The following CNGB1 variants were observed in gnomAD, a reference collection of about 807,000 sequenced individuals.
The protein encoded by CNGB1 is cyclic nucleotide gated channel subunit beta 1.
CNGB1 carries 126 observed loss-of-function variants against 151.7 expected under a neutral mutation model. The observed-to-expected ratio is 0.83, with a 90% CI of 0.72 to 0.96. The LOEUF (loss-of-function observed/expected upper bound fraction) is 0.96, where lower values mean the gene tolerates loss of function less well. CNGB1 is among the 40% of genes least tolerant of loss of function. CNGB1 has a pLI of 0.00. For missense variants in CNGB1, 1,698 were observed against 1,627.0 expected (o/e 1.04, Z -0.75); for synonymous variants, 623 against 635.1 (o/e 0.98, Z 0.29).
At chr16:57,908,397 C>A (rs1395424609) in intron 25 of CNGB1, among the ~76,000 whole-genome samples, 2 of 152,252 alleles carry the variant, frequency 1.3e-5, no homozygotes, top group Non-Finnish European at 2.9e-5. Context: ...GACAGCTGGA[C>A]CACGGGCATT....
intron 1 of CNGB1, among the ~76,000 whole-genome samples, chr16:57,967,944 C>T (rs964033372): frequency 2.0e-5 from 3 of 152,016 alleles, no homozygotes; most frequent in African/African-American, 7.3e-5. Context: ...TTGGAAAGTA[C>T]CTACATGTAA....
intron 24 of CNGB1, 122 bp downstream of exon 24, chr16:57,912,797 ATGTTGTGTGTG>A (rs1293406185): frequency 4.8e-5 from 41 of 851,134 alleles, no homozygotes; most frequent in South Asian, 8.6e-5. Flanking sequence ...GTATGTGTGT[ATGTTGTGTGTG>A]TGTTGTGTGT....
intron 12 of CNGB1, among the ~76,000 whole-genome samples, chr16:57,952,280 G>C (rs1171977821): frequency 6.6e-6 from 1 of 152,172 alleles, no homozygotes; most frequent in Non-Finnish European, 1.5e-5. Context: ...GGTGGAGGCA[G>C]AGCCAGGTCC....
intron 2 of CNGB1, among the ~76,000 whole-genome samples, chr16:57,966,193 T>C (rs985860881): frequency 2.6e-5 from 4 of 152,214 alleles, no homozygotes; most frequent in Non-Finnish European, 5.9e-5. Context: ...CACACTTATT[T>C]GGCTCCCCAA....
At chr16:57,953,845 C>A (rs1962021206) in intron 12 of CNGB1, among the ~76,000 whole-genome samples, 1 of 151,776 alleles carries the variant, frequency 6.6e-6, no homozygotes, top group South Asian at 2.1e-4. Flanking sequence ...CAGATTCTTC[C>A]ATAACCATTG....
intron 1 of CNGB1, among the ~76,000 whole-genome samples, chr16:57,967,748 A>G (rs2149390506): frequency 6.6e-6 from 1 of 152,188 alleles, no homozygotes; most frequent in East Asian, 1.9e-4. Context: ...ATACATATAC[A>G]CATACATATT....
At chr16:57,933,724 CTTTT>C (rs5817126) in intron 16 of CNGB1, among the ~76,000 whole-genome samples, 6 of 119,594 alleles carry the variant, frequency 5.0e-5, no homozygotes, top group Non-Finnish European at 7.3e-5. Flanking sequence ...CTTTTCTTTT[CTTTT>C]TTTTTTTTTT....
In CNGB1 at chr16:57,883,815, T is replaced by G; in HGVS notation, c.*349A>C. 2 of 393,820 alleles carry G rather than the reference T, an allele frequency of 5.1e-6. No homozygotes were observed. Among genetic ancestry groups the G allele is most frequent in the Non-Finnish European group, 9.4e-6 (2 of 213,776 alleles). The allele number at this position is 393,820 out of a possible 1,614,324, so 24.4% of individuals were successfully genotyped here. A position where few individuals can be genotyped will look rare whatever the true frequency, so the allele number is the denominator to read the frequency against. On this transcript the variant is annotated 3_prime_UTR_variant, in exon 33 of 33. Transcript: ENST00000251102. ...TTTACTTTTTCAGCAAAGCTTCCCA[T>G]GTATTGGAGCCTCATTTTATCCCTC...
chr16:57,892,309 C>T (rs1960113774), intron 31 of CNGB1, among the ~76,000 whole-genome samples: 1 of 152,064 alleles, frequency 6.6e-6, no homozygotes, highest in African/African-American at 2.4e-5. Context: ...ATATGGAGTC[C>T]ATGAATCACA....
intron 27 of CNGB1, among the ~76,000 whole-genome samples, chr16:57,903,320 C>T (rs1960441074): frequency 6.6e-6 from 1 of 151,138 alleles, no homozygotes; most frequent in Admixed American, 6.6e-5. Flanking sequence ...GGTGAAACCT[C>T]GTCTCTACTA....
At chr16:57,960,626 G>T (rs1962224347) in intron 8 of CNGB1, 96 bp from the exon 9 acceptor site, 1 of 1,520,358 alleles carries the variant, frequency 6.6e-7, no homozygotes, top group Admixed American at 1.9e-5. Context: ...CAAGGCGGGT[G>T]AGCCGGGGAT....
intron 12 of CNGB1, among the ~76,000 whole-genome samples, chr16:57,956,567 G>A (rs750822609): frequency 6.6e-6 from 1 of 152,172 alleles, no homozygotes; most frequent in African/African-American, 2.4e-5. Context: ...CAGACACAGG[G>A]CAGAGCTCAG....
intron 15 of CNGB1, 38 bp from the exon 16 acceptor site, chr16:57,939,630 C>T: frequency 3.1e-6 from 5 of 1,613,636 alleles, no homozygotes; most frequent in Non-Finnish European, 4.2e-6. Context: ...CTGTGACCAT[C>T]AGCCCCCAGC....
chr16:57,910,583 A>G (rs1256333394), intron 25 of CNGB1, among the ~76,000 whole-genome samples: 6 of 151,574 alleles, frequency 4.0e-5, no homozygotes, highest in African/African-American at 9.7e-5. Context: ...TGTGTCGGCC[A>G]GGCTGGTCTC....
At chr16:57,948,380 C>G (rs1961861215) in intron 14 of CNGB1, among the ~76,000 whole-genome samples, 1 of 150,176 alleles carries the variant, frequency 6.7e-6, no homozygotes, top group African/African-American at 2.5e-5. Flanking sequence ...GTCTCGAACT[C>G]CTGGGTTCAA....
chr16:57,967,911 A>G (rs1962442081), intron 1 of CNGB1, among the ~76,000 whole-genome samples: 1 of 152,176 alleles, frequency 6.6e-6, no homozygotes, highest in Non-Finnish European at 1.5e-5. Context: ...ACACCCAAAT[A>G]TTCATCAAGA....
chr16:57,921,617 G>A lies in CNGB1; in HGVS notation c.1644-1073C>T, dbSNP rs1961038472. On this transcript the variant is annotated intron_variant, in intron 18 of 32. Coordinates refer to ENST00000251102, the MANE Select transcript of CNGB1 (RefSeq NM_001297.5). ...TCTCTCCTGTGGTGCACACTCACTG[G>A]GATATAGCCACCCAGCCAGGGATCA... Among the ~76,000 whole-genome samples the A allele has an allele frequency of 2.6e-5, 4 of 152,260 alleles. 1 individual carries two copies. The South Asian group carries it at 6.2e-4, about 24-fold the overall frequency.
At chr16:57,897,270 C>A (rs992103729) in intron 31 of CNGB1, 127 bp downstream of exon 31, 8 of 1,053,126 alleles carry the variant, frequency 7.6e-6, no homozygotes, top group Non-Finnish European at 1.1e-5. Flanking sequence ...CCACTGCACT[C>A]CAGACTGGGT....
chr16:57,922,567 T>C (rs1961069395), intron 18 of CNGB1, among the ~76,000 whole-genome samples: 1 of 152,064 alleles, frequency 6.6e-6, no homozygotes, highest in Admixed American at 6.5e-5. Context: ...TAGCTGGGAT[T>C]ACAGGCATGT....
Sources: gnomAD v4.1 joint callset for allele counts (sites outside exome capture counted in the v4.1 genomes callset) on GRCh38, gnomAD v4.1.1 for gene constraint, MANE v1.5 for transcripts, NCBI Gene and HGNC (gene_info 2026-07-23, HGNC 2026-07-21) for gene names.